The following REV3L variants were observed in gnomAD, a reference collection of about 807,000 sequenced individuals.
REV3L encodes the protein REV3 like, DNA directed polymerase zeta catalytic subunit, also known as DNA polymerase zeta catalytic subunit.
A neutral mutation model predicts 299.4 loss-of-function variants in REV3L; 69 were observed. The observed-to-expected ratio is 0.23, with a 90% CI of 0.19 to 0.28. REV3L has a LOEUF of 0.28. Among genes scored for constraint, REV3L ranks in the 10% least tolerant of loss-of-function variants. The probability of loss-of-function intolerance (pLI) is 1.00; values close to 1 mark genes in which losing one functional copy is unlikely to be tolerated. For missense variants in REV3L, 3,128 were observed against 3,693.8 expected (o/e 0.85, Z 3.97); for synonymous variants, 1,238 against 1,271.4 (o/e 0.97, Z 0.56).
At chr6:111,370,644 G>C (rs1779709561) in intron 13 of REV3L, among the ~76,000 whole-genome samples, 1 of 152,042 alleles carries the variant, frequency 6.6e-6, no homozygotes, top group African/African-American at 2.4e-5. Context: ...AGGAATTATT[G>C]TGAATCTGCT....
chr6:111,431,795 A>AT, intron 1 of REV3L: 1 of 704,616 alleles, frequency 1.4e-6, no homozygotes, highest in Non-Finnish European at 2.6e-6. Context: ...GGCCACCTGT[A>AT]TTTGATTATA....
Position 111,372,737 on chromosome 6 carries a change from C to G in REV3L, c.5618G>C (p.Arg1873Pro). 2 of 1,611,526 alleles carry G rather than the reference C, an allele frequency of 1.2e-6. No individual in the cohort carries two copies. The highest frequency in any genetic ancestry group is 1.7e-6 in the Non-Finnish European group (2 of 1,179,006). ...AAGTGGTTTCAGAATGTTAGCAGTT[C>G]GAGGGGTGAAGCTGCCATTTTTAGA... ...SQSKNGSFTP[R>P]TANILKPLMS... The change falls in exon 13 of 32, where the codon CGA becomes CCA. Residue 1873 changes from arginine (R) to proline (P), a missense_variant. Coordinates refer to ENST00000368802, the MANE Select transcript of REV3L (RefSeq NM_001372078.1).
intron 29 of REV3L, 156 bp from the exon 30 acceptor site, chr6:111,310,255 T>C (rs1772827210): frequency 4.2e-6 from 4 of 950,758 alleles, no homozygotes; most frequent in East Asian, 6.0e-5. Flanking sequence ...ATAATATATA[T>C]ACATTTTGCT....
intron 9 of REV3L, among the ~76,000 whole-genome samples, chr6:111,384,541 A>T (rs1300671749): frequency 6.6e-6 from 1 of 152,232 alleles, no homozygotes; most frequent in Non-Finnish European, 1.5e-5. Flanking sequence ...AATTACAATG[A>T]GAAATCATCT....
rs762096695 is a variant in REV3L, at chr6:111,376,728, T to C, written c.1627A>G (p.Thr543Ala). Residue 543 changes from threonine to alanine, a missense_variant, in exon 13 of 32, where the codon ACC becomes GCC. Physicochemically the swap from Thr to Ala is moderately conservative, Grantham distance 58. Transcript: ENST00000368802. ...DNPLNNENSRTHSSVIATSKL... is the reference protein window; with the variant it reads ...DNPLNNENSRAHSSVIATSKL... ...CTTGTTGCAATTACAGAAGAGTGGG[T>C]TCTAGAATTTTCATTGTTCAATGGA... 1.6e-5 allele frequency: 25 copies of C among 1,592,100 alleles called. No homozygotes were observed. In the South Asian group the frequency reaches 1.9e-4, roughly 12 times the overall value.
intron 1 of REV3L, among the ~76,000 whole-genome samples, chr6:111,474,984 TATATACAC>T (rs1337285928): frequency 9.7e-4 from 13 of 13,448 alleles, no homozygotes; most frequent in Admixed American, 4.1e-3. Flanking sequence ...TAGCTGCCTA[TATATACAC>T]ACACACACAC....
chr6:111,304,320 G>T (rs948662317), intron 31 of REV3L, among the ~76,000 whole-genome samples: 1 of 148,598 alleles, frequency 6.7e-6, no homozygotes, highest in African/African-American at 2.5e-5. Flanking sequence ...TTTTGGTACT[G>T]GGTTACAGAG....
chr6:111,412,926 CTGGACTTTTGCA>C (rs1444714550), intron 2 of REV3L, among the ~76,000 whole-genome samples: 1 of 152,130 alleles, frequency 6.6e-6, no homozygotes, highest in African/African-American at 2.4e-5. Context: ...AAGCTCCGCT[CTGGACTTTTGCA>C]TGGCTTGTTT....
At chr6:111,390,356 G>A (rs1409664030) in intron 5 of REV3L, among the ~76,000 whole-genome samples, 176 bp from the exon 6 acceptor site, 2 of 152,046 alleles carry the variant, frequency 1.3e-5, no homozygotes, top group African/African-American at 4.8e-5. Context: ...AAAATAGGAT[G>A]AGAAAAATAC....
intron 22 of REV3L, among the ~76,000 whole-genome samples, chr6:111,333,732 T>TC (rs1052293841): frequency 4.5e-4 from 69 of 152,182 alleles, no homozygotes; most frequent in African/African-American, 1.6e-3. Context: ...CACCTCAGCC[T>TC]CCCAAAGTGC....
At chr6:111,348,605 G>GA (rs1777259867) in intron 20 of REV3L, among the ~76,000 whole-genome samples, 2 of 152,204 alleles carry the variant, frequency 1.3e-5, no homozygotes, top group East Asian at 1.9e-4. Flanking sequence ...TGACTTCCGT[G>GA]AAAAAAATAC....
intron 1 of REV3L, among the ~76,000 whole-genome samples, chr6:111,460,828 C>T (rs1292861834): frequency 6.6e-6 from 1 of 152,114 alleles, no homozygotes; most frequent in African/African-American, 2.4e-5. Flanking sequence ...CAAGGGACCA[C>T]ATATATAATG....
At position 111,390,123 on chromosome 6, in the gene REV3L, A is replaced by C. The variant is rs896706547; in HGVS notation, c.720T>G (p.Ala240=). The C allele has an allele frequency of 2.5e-6, 4 of 1,610,948 alleles. No individual in the cohort carries two copies. Among genetic ancestry groups the C allele is most frequent in the Non-Finnish European group, 3.4e-6 (4 of 1,177,328 alleles). ...PQSTCELEVD[A]VAADILNRLD... Reference sequence around the variant, plus strand: ...GACGATTTAAGATATCAGCAGCTACAGCATCCACTTCTAATTCACATGTAC... The same window carrying C: ...GACGATTTAAGATATCAGCAGCTACCGCATCCACTTCTAATTCACATGTAC... Residue 240 remains alanine, a synonymous_variant, in exon 6 of 32, where the codon GCT becomes GCG. Coordinates refer to ENST00000368802, the MANE Select transcript of REV3L (RefSeq NM_001372078.1).
At position 111,372,819 on chromosome 6, in the gene REV3L, C is replaced by T. The variant is rs1554208756; in HGVS notation, c.5536G>A (p.Asp1846Asn). The T allele has an allele frequency of 5.6e-6, 9 of 1,613,678 alleles. No homozygotes were observed. The South Asian group carries it at 9.9e-5, about 18-fold the overall frequency. The change falls in exon 13 of 32, where the codon GAT becomes AAT. Residue 1846 changes from aspartate (D) to asparagine (N), a missense_variant. By Grantham distance (23) the Asp-to-Asn change is conservative (BLOSUM62 1). Around this residue, in one of 9 missense-constraint regions of REV3L, gnomAD observed 2,409 missense variants for 2,611.8 expected, o/e 0.92. Coordinates refer to ENST00000368802, the MANE Select transcript of REV3L (RefSeq NM_001372078.1). ...CTATCAGGAGTTGGTGTCAACATATCATTGTTTCTTGAAACATACAGTTCT... is the reference window on the plus strand; with the variant it reads ...CTATCAGGAGTTGGTGTCAACATATTATTGTTTCTTGAAACATACAGTTCT... ...DLELYVSRNNDMLTPTPDSSP... is the reference protein window; with the variant it reads ...DLELYVSRNNNMLTPTPDSSP...
chr6:111,449,133 C>G (rs977230232), intron 1 of REV3L, among the ~76,000 whole-genome samples: 10 of 152,144 alleles, frequency 6.6e-5, no homozygotes, highest in Non-Finnish European at 1.0e-4. Flanking sequence ...TACATTTACC[C>G]ACTGCCTGAA....
Position 111,367,481 on chromosome 6 carries a change from G to A in REV3L, c.6307C>T (p.Pro2103Ser). The A allele has an allele frequency of 6.2e-7, 1 of 1,607,242 alleles. No individual in the cohort carries two copies. Among genetic ancestry groups the A allele is most frequent in the Non-Finnish European group, 8.5e-7 (1 of 1,175,844 alleles). Residue 2103 changes from proline (P) to serine (S), a missense_variant, in exon 14 of 32, where the codon CCC becomes TCC. Pro to Ser is a moderately conservative substitution (Grantham distance 74). Transcript: ENST00000368802. Reference sequence around the variant, plus strand: ...TCATCATCATCTTCATCTTTTTCGGGATCACTTGCAGAGGCAACTGGTGGC... The same window carrying A: ...TCATCATCATCTTCATCTTTTTCGGAATCACTTGCAGAGGCAACTGGTGGC... ...MLPPVASASD[P>S]EKDEDDDDNY... is the part of the protein sequence containing the mutation.
In REV3L at chr6:111,416,258, ATAAAATATAT is replaced by A. The variant is rs1276161338; in HGVS notation, c.329+15_329+24del. On this transcript the variant is annotated intron_variant, in intron 2 of 31. Transcript: ENST00000368802. Reference sequence around the variant, plus strand: ...TAGAATAGCAACATAAACAGAAATTATAAAATATATTATCATATACTTACATTCCTGATAC... The same window carrying A: ...TAGAATAGCAACATAAACAGAAATTATATCATATACTTACATTCCTGATAC... 1.6e-5 allele frequency: 24 copies of A among 1,462,094 alleles called. No individual in the cohort carries two copies. The highest frequency in any genetic ancestry group is 2.0e-5 in the Non-Finnish European group (22 of 1,086,858). The allele number at this position is 1,462,094 out of a possible 1,614,324, so 90.6% of individuals were successfully genotyped here. A position where few individuals can be genotyped will look rare whatever the true frequency, so the allele number is the denominator to read the frequency against.
At position 111,416,330 on chromosome 6, in the gene REV3L, T is replaced by C; in HGVS notation, c.282A>G (p.Pro94=). The C allele has an allele frequency of 1.9e-6, 3 of 1,613,928 alleles. No homozygotes were observed. The highest frequency in any genetic ancestry group is 2.2e-5 in the South Asian group (2 of 91,058). Residue 94 remains proline, a synonymous_variant, in exon 2 of 32, where the codon CCA becomes CCG. Transcript: ENST00000368802. The part of the protein sequence containing the change: ...DRALNVALGN[P]SSTAQHVFKV... ...TGAACACATGCTGAGCAGTGGAAGA[T>C]GGATTGCCTAAAGCCACATTAAGTG...
intron 13 of REV3L, among the ~76,000 whole-genome samples, chr6:111,368,953 T>A (rs1243643433): frequency 1.3e-5 from 2 of 152,266 alleles, no homozygotes; most frequent in East Asian, 3.9e-4. Context: ...GCATTAGGGC[T>A]ACTCTGTCTC....
Sources: allele counts gnomAD v4.1 joint callset (sites outside exome capture counted in the v4.1 genomes callset), GRCh38; gene constraint gnomAD v4.1.1; regional missense constraint gnomAD v4.1.1; transcripts MANE v1.5; gene names NCBI Gene and HGNC (gene_info 2026-07-23, HGNC 2026-07-21).